The following BACH2 variants were observed in gnomAD, a reference collection of about 807,000 sequenced individuals.
The protein encoded by BACH2 is transcription regulator protein BACH2.
Under a neutral mutation model 61.8 loss-of-function variants are expected in BACH2, and 5 were observed. That is an observed-to-expected ratio of 0.08 (90% CI 0.04 to 0.17). The LOEUF is 0.17. Among genes scored for constraint, BACH2 ranks in the 10% least tolerant of loss-of-function variants. BACH2 has a pLI of 1.00. For missense variants in BACH2, 824 were observed against 1,091.1 expected, an observed-to-expected ratio of 0.76 and a Z score of 3.45; for synonymous variants, 446 against 440.1, an observed-to-expected ratio of 1.01 and a Z score of -0.17.
chr6:90,102,833 TAATAATAAA>T (rs1447203218), intron 4 of BACH2, among the ~76,000 whole-genome samples: 1 of 133,014 alleles, frequency 7.5e-6, no homozygotes, highest in Non-Finnish European at 1.6e-5. Flanking sequence ...ATAATAATAA[TAATAATAAA>T]AATAAAAGGA....
intron 5 of BACH2, among the ~76,000 whole-genome samples, chr6:90,014,986 A>T (rs1395692816): frequency 6.9e-6 from 1 of 145,108 alleles, no homozygotes; most frequent in Admixed American, 6.9e-5. Flanking sequence ...TTACTATGAT[A>T]CCCAGGCTGG....
In BACH2 at chr6:90,033,995, C is replaced by A. The variant is rs149321499; in HGVS notation, c.-12-25139G>T. On this transcript the variant is annotated intron_variant, in intron 5 of 8. Transcript: ENST00000257749. ...TCCTGTGTGTCTGTGAGGAGGATAA[C>A]CATTTAGTATTTTAGACAACTGGAA... Among the ~76,000 whole-genome samples the A allele has an allele frequency of 5.9e-5, 9 of 152,158 alleles. No homozygotes were observed. The East Asian group carries it at 1.5e-3, about 26-fold the overall frequency.
At chr6:90,156,027 G>T (rs111514941) in intron 4 of BACH2, among the ~76,000 whole-genome samples, 2 of 152,048 alleles carry the variant, frequency 1.3e-5, no homozygotes, top group Non-Finnish European at 2.9e-5. Context: ...TTTTAAAAAA[G>T]ATTGGAATTC....
chr6:90,296,331 G>A (rs1004494913), intron 1 of BACH2, 149 bp downstream of exon 1: 10 of 151,224 alleles, frequency 6.6e-5, no homozygotes, highest in African/African-American at 2.4e-4. Context: ...AGGGCGCGGG[G>A]AGGGCGGCTG....
chr6:89,995,196 C>A (rs1262763952), intron 6 of BACH2, among the ~76,000 whole-genome samples: 1 of 152,124 alleles, frequency 6.6e-6, no homozygotes, highest in Non-Finnish European at 1.5e-5. Context: ...TTGAAGAAAT[C>A]AGGCCTGCAA....
chr6:90,283,334 C>T (rs1159946473), intron 1 of BACH2, among the ~76,000 whole-genome samples: 1 of 151,862 alleles, frequency 6.6e-6, no homozygotes, highest in African/African-American at 2.4e-5. Flanking sequence ...AGAAGTCCTA[C>T]TCACTTTTTT....
intron 5 of BACH2, among the ~76,000 whole-genome samples, chr6:90,040,681 T>A (rs1779491686): frequency 6.6e-6 from 1 of 152,252 alleles, no homozygotes; most frequent in East Asian, 1.9e-4. Flanking sequence ...TTTCTCTTCA[T>A]CTCAGGAGGA....
At chr6:90,071,142 C>T (rs540650647) in intron 5 of BACH2, among the ~76,000 whole-genome samples, 2 of 152,208 alleles carry the variant, frequency 1.3e-5, no homozygotes, top group East Asian at 1.9e-4. Context: ...AGAGCCACCA[C>T]GTCCAGTTTA....
At chr6:90,120,284 G>A (rs767178692) in intron 4 of BACH2, among the ~76,000 whole-genome samples, 2 of 152,098 alleles carry the variant, frequency 1.3e-5, no homozygotes, top group Admixed American at 6.6e-5. Context: ...CTTTGGCTTC[G>A]TTTCTTTATT....
chr6:90,262,879 T>C (rs1272819786), intron 2 of BACH2, among the ~76,000 whole-genome samples: 2 of 152,158 alleles, frequency 1.3e-5, no homozygotes, highest in African/African-American at 2.4e-5. Flanking sequence ...TAACACAAAT[T>C]GGAAACAGGA....
intron 4 of BACH2, among the ~76,000 whole-genome samples, chr6:90,168,091 C>T (rs1767690438): frequency 6.6e-6 from 1 of 152,200 alleles, no homozygotes; most frequent in African/African-American, 2.4e-5. Flanking sequence ...TGGTGCAGTG[C>T]TGCACGCCTG....
At chr6:90,201,285 A>C (rs1193083221) in intron 4 of BACH2, among the ~76,000 whole-genome samples, 2 of 152,222 alleles carry the variant, frequency 1.3e-5, no homozygotes, top group Non-Finnish European at 2.9e-5. Context: ...CCCCTTAAGA[A>C]AGGTGTTCTT....
Position 90,128,506 on chromosome 6 carries a change from G to A in BACH2, c.-161-39397C>T, listed in dbSNP as rs1046799596. Among the ~76,000 whole-genome samples the A allele has an allele frequency of 8.5e-5, 13 of 152,228 alleles. No individual in the cohort carries two copies. The East Asian group carries it at 2.5e-3, about 29-fold the overall frequency. On this transcript the variant is annotated intron_variant, in intron 4 of 8. Coordinates refer to ENST00000257749, the MANE Select transcript of BACH2 (RefSeq NM_021813.4). Reference sequence around the variant, plus strand: ...TGAGGCAGGAGAATTGCTTGAACCTGGGGGGCGGAGGTTGCAGTGAGCCAA... The same window carrying A: ...TGAGGCAGGAGAATTGCTTGAACCTAGGGGGCGGAGGTTGCAGTGAGCCAA...
At chr6:90,282,099 T>C (rs1417288967) in intron 1 of BACH2, among the ~76,000 whole-genome samples, 1 of 152,228 alleles carries the variant, frequency 6.6e-6, no homozygotes, top group African/African-American at 2.4e-5. Context: ...GATGGGCATT[T>C]ATTTGGGTTG....
intron 4 of BACH2, among the ~76,000 whole-genome samples, chr6:90,171,492 A>C (rs1226652336): frequency 1.3e-5 from 2 of 152,160 alleles, no homozygotes; most frequent in Admixed American, 1.3e-4. Flanking sequence ...GCCCTTTCCA[A>C]ATCCAAATAG....
At chr6:89,972,474 C>T (rs1346738174) in intron 6 of BACH2, among the ~76,000 whole-genome samples, 7 of 152,118 alleles carry the variant, frequency 4.6e-5, no homozygotes, top group African/African-American at 1.7e-4. Flanking sequence ...TAACCAAAGC[C>T]ACAACCTGGA....
chr6:90,145,719 G>A (rs540942984), intron 4 of BACH2, among the ~76,000 whole-genome samples: 3 of 152,256 alleles, frequency 2.0e-5, no homozygotes, highest in Admixed American at 6.5e-5. Flanking sequence ...ATATGTGAAC[G>A]CATTAAGTCT....
intron 4 of BACH2, among the ~76,000 whole-genome samples, chr6:90,205,026 G>C (rs547734114): frequency 1.3e-5 from 2 of 152,262 alleles, no homozygotes; most frequent in Non-Finnish European, 2.9e-5. Flanking sequence ...CATAAAACTT[G>C]CATCTAGGGA....
chr6:90,257,273 T>C (rs1582539588), intron 2 of BACH2, among the ~76,000 whole-genome samples: 1 of 152,206 alleles, frequency 6.6e-6, no homozygotes, highest in Admixed American at 6.5e-5. Context: ...TATATGGTAG[T>C]TCTGTTTTTA....
Sources: gnomAD v4.1 joint callset for allele counts (sites outside exome capture counted in the v4.1 genomes callset) on GRCh38, gnomAD v4.1.1 for gene constraint, MANE v1.5 for transcripts, NCBI Gene and HGNC (gene_info 2026-07-23, HGNC 2026-07-21) for gene names.